Variants in GPC1 observed in about 807,000 individuals in gnomAD.
The protein encoded by GPC1 is glypican 1.
Under a neutral mutation model 51.5 loss-of-function variants are expected in GPC1, and 26 were observed. The ratio of observed to expected loss-of-function variants is 0.50; its 90% CI spans 0.37 to 0.70. GPC1 has a LOEUF of 0.70. Ranked by LOEUF, GPC1 falls within the 30% of genes least tolerant of loss-of-function variation. GPC1 has a pLI of 0.00. For synonymous variants in GPC1, 380 were observed against 348.3 expected, an observed-to-expected ratio of 1.09 and a Z score of -1.01; for missense variants, 775 against 800.5, an observed-to-expected ratio of 0.97 and a Z score of 0.38.
intron 1 of GPC1, among the ~76,000 whole-genome samples, chr2:240,447,599 G>A (rs1294838667): frequency 3.9e-5 from 6 of 152,224 alleles, no homozygotes; most frequent in African/African-American, 1.4e-4. Context: ...CGTTCCTGGT[G>A]GCCGTCGTCT....
At chr2:240,458,247 C>A in intron 1 of GPC1, 1 of 349,998 alleles carries the variant, frequency 2.9e-6, no homozygotes, top group Non-Finnish European at 6.1e-6. Flanking sequence ...CTGAGGTGTG[C>A]ACAGCAGGGC....
intron 1 of GPC1, among the ~76,000 whole-genome samples, chr2:240,443,847 G>A (rs2074033049): frequency 2.6e-5 from 4 of 152,242 alleles, no homozygotes; most frequent in African/African-American, 9.6e-5. Context: ...ATACCACTTA[G>A]TTTGCAGATG....
intron 1 of GPC1, among the ~76,000 whole-genome samples, chr2:240,441,944 C>T (rs1161798574): frequency 2.0e-5 from 3 of 152,170 alleles, no homozygotes; most frequent in Non-Finnish European, 2.9e-5. Context: ...CGGGGAAGTA[C>T]AGGTGTGAGG....
rs1459207308 is a variant in GPC1 at position 240,466,134 on chromosome 2, C to T, written c.1521C>T (p.Ser507=). Residue 507 remains serine (S), a synonymous_variant, in exon 9 of 9, where the codon AGC becomes AGT. Transcript: ENST00000264039. The part of the protein sequence containing the change: ...DLCSRKVSRK[S]SSSRTPLTHA... ...GCAGCCGGAAGGTCAGCAGGAAGAGCTCCAGCTCCCGGACGCCCTTGACCC... is the reference window on the plus strand; with the variant it reads ...GCAGCCGGAAGGTCAGCAGGAAGAGTTCCAGCTCCCGGACGCCCTTGACCC... 4 of 1,612,874 alleles carry T rather than the reference C, an allele frequency of 2.5e-6. No homozygotes were observed. The highest frequency in any genetic ancestry group is 1.1e-5 in the South Asian group (1 of 91,076).
intron 1 of GPC1, chr2:240,452,922 C>T (rs1399832563): frequency 3.3e-6 from 1 of 298,934 alleles, no homozygotes; most frequent in Non-Finnish European, 6.7e-6. Flanking sequence ...CTCCTGCGAG[C>T]CCTTCCGCCC....
intron 3 of GPC1, among the ~76,000 whole-genome samples, chr2:240,462,974 C>T (rs1332432916): frequency 1.3e-5 from 2 of 152,180 alleles, no homozygotes; most frequent in African/African-American, 4.8e-5. Context: ...AGGGGGATGC[C>T]TTGGTCCCTT....
Position 240,448,403 on chromosome 2 carries a change from T to A in GPC1, c.167-10627T>A, listed in dbSNP as rs1363578178. Among the ~76,000 whole-genome samples the A allele has an allele frequency of 6.6e-6, 1 of 151,682 alleles. No individual in the cohort carries two copies. Among genetic ancestry groups the A allele is most frequent in the Admixed American group, 6.6e-5 (1 of 15,250 alleles). On this transcript the variant is annotated intron_variant, in intron 1 of 8. Transcript: ENST00000264039. The surrounding 1 kb of genome is among the most constrained non-coding windows in gnomAD (Gnocchi z 4.5). ...GATAGTCCCTGCCAGGCAGTCCAGG[T>A]GTAGACAGTCCCTGCCAGGCAGTCC... is the stretch of plus-strand genomic sequence containing the variant.
chr2:240,465,596 C>T lies in GPC1; in HGVS notation c.1392C>T (p.Thr464=). ...RQQIMQLKIM[T]NRLRSAYNGN... is the part of the protein sequence containing the mutation. ...AGATCATGCAGCTGAAGATCATGAC[C>T]AACCGGCTGCGCAGCGCCTACAACG... The change falls in exon 8 of 9, where the codon ACC becomes ACT. Residue 464 remains threonine, a synonymous_variant. Coordinates refer to ENST00000264039, the MANE Select transcript of GPC1 (RefSeq NM_002081.3). 6.2e-7 allele frequency: 1 copy of T among 1,613,068 alleles called. No homozygotes were observed. The highest frequency in any genetic ancestry group is 8.5e-7 in the Non-Finnish European group (1 of 1,179,992).
In GPC1 at chr2:240,464,614, A is replaced by G; in HGVS notation, c.884-2A>G. The G allele has an allele frequency of 1.2e-6, 2 of 1,609,256 alleles. No individual in the cohort carries two copies. The highest frequency in any genetic ancestry group is 1.7e-6 in the Non-Finnish European group (2 of 1,177,920). ...GTGTCCGCGTGTTAACGCCTGTCCT[A>G]GACTCCATGGTGCTCATCACCGACA... On this transcript the variant is annotated splice_acceptor_variant, in intron 4 of 8. Coordinates refer to ENST00000264039, the MANE Select transcript of GPC1 (RefSeq NM_002081.3). LOFTEE classifies it high-confidence loss of function.
chr2:240,441,231 TG>T (rs2074014795), intron 1 of GPC1, among the ~76,000 whole-genome samples: 1 of 152,194 alleles, frequency 6.6e-6, no homozygotes. Flanking sequence ...GAGAGCTTAG[TG>T]GGTGTCTGAG....
intron 6 of GPC1, 28 bp from the exon 7 acceptor site, chr2:240,465,049 G>T: frequency 6.3e-7 from 1 of 1,586,820 alleles, no homozygotes; most frequent in Non-Finnish European, 8.6e-7. Context: ...GGCCCTGGCA[G>T]CCCAGTGGCC....
chr2:240,435,914 C>G lies in GPC1; in HGVS notation c.-5C>G, dbSNP rs1321388675. ...CGGGTGGCCGGGGGCGCCGCCGGCC[C>G]CGCCATGGAGCTCCGGGCCCGAGGC... On this transcript the variant is annotated 5_prime_UTR_variant, in exon 1 of 9. Transcript: ENST00000264039. 9.7e-6 allele frequency: 12 copies of G among 1,242,044 alleles called. No individual in the cohort carries two copies. The highest frequency in any genetic ancestry group is 3.3e-5 in the South Asian group (1 of 30,632). The allele number at this position is 1,242,044 out of a possible 1,614,324, so 76.9% of individuals were successfully genotyped here. A position where few individuals can be genotyped will look rare whatever the true frequency, so the allele number is the denominator to read the frequency against.
chr2:240,455,061 G>C (rs1183203013), intron 1 of GPC1: 1 of 181,212 alleles, frequency 5.5e-6, no homozygotes, highest in East Asian at 1.9e-4. Context: ...GTGAGGAGCA[G>C]CAGAGTGGGG....
intron 1 of GPC1, chr2:240,452,997 G>A (rs1398552902): frequency 5.7e-6 from 2 of 351,248 alleles, no homozygotes; most frequent in Non-Finnish European, 1.1e-5. Context: ...GCCGCCCGGA[G>A]CCGCTGGAGC....
Position 240,466,161 on chromosome 2 carries a change from T to A in GPC1, c.1548T>A (p.His516Gln). 1.2e-6 allele frequency: 2 copies of A among 1,612,854 alleles called. No individual in the cohort carries two copies. Among genetic ancestry groups the A allele is most frequent in the Non-Finnish European group, 1.7e-6 (2 of 1,179,594 alleles). ...CCAGCTCCCGGACGCCCTTGACCCA[T>A]GCCCTCCCAGGCCTGTCAGAGCAGG... ...KSSSSRTPLT[H>Q]ALPGLSEQEG... The change falls in exon 9 of 9, where the codon CAT becomes CAA. Residue 516 changes from histidine to glutamine, a missense_variant. Coordinates refer to ENST00000264039, the MANE Select transcript of GPC1 (RefSeq NM_002081.3).
intron 1 of GPC1, chr2:240,457,947 C>T (rs555129565): frequency 2.4e-4 from 105 of 434,890 alleles, no homozygotes; most frequent in African/African-American, 1.4e-3. Context: ...AAGCCAGGCT[C>T]CTGCTTCCAC....
chr2:240,463,883 T>A (rs1192392149), intron 4 of GPC1: 1 of 286,172 alleles, frequency 3.5e-6, no homozygotes, highest in East Asian at 8.5e-5. Flanking sequence ...ACATGCGAAC[T>A]GGCGTGCTCA....
intron 1 of GPC1, among the ~76,000 whole-genome samples, chr2:240,449,155 T>C (rs759639929): frequency 4.6e-5 from 7 of 152,170 alleles, no homozygotes; most frequent in Admixed American, 3.9e-4. Flanking sequence ...CTGGGGACAG[T>C]TCAGAGTTGA....
intron 1 of GPC1, among the ~76,000 whole-genome samples, chr2:240,440,475 G>A (rs992763770): frequency 3.9e-5 from 6 of 152,186 alleles, no homozygotes; most frequent in African/African-American, 9.7e-5. Context: ...TTCCCAGCCC[G>A]CTCTCCTGTC....
Sources: allele counts gnomAD v4.1 joint callset (sites outside exome capture counted in the v4.1 genomes callset), GRCh38; gene constraint gnomAD v4.1.1; non-coding constraint Gnocchi (gnomAD v3.1); transcripts MANE v1.5; gene names NCBI Gene and HGNC (gene_info 2026-07-23, HGNC 2026-07-21).